CUX2: variants seen among roughly 807,000 people sequenced by gnomAD.
CUX2 encodes the protein cut like homeobox 2.
In CUX2, 40 loss-of-function variants were observed where a neutral mutation model predicts 144.8. The ratio of observed to expected loss-of-function variants is 0.28; its 90% CI spans 0.21 to 0.36. CUX2 has a LOEUF of 0.36. CUX2 is among the 10% of genes least tolerant of loss of function. CUX2 has a pLI of 1.00. For synonymous variants in CUX2, 827 were observed against 875.6 expected (o/e 0.94, Z 0.98); for missense variants, 1,615 against 1,994.0 (o/e 0.81, Z 3.62).
intron 18 of CUX2, among the ~76,000 whole-genome samples, chr12:111,332,519 G>T (rs184177312): frequency 6.6e-5 from 10 of 152,228 alleles, no homozygotes; most frequent in African/African-American, 2.2e-4. Flanking sequence ...CCACTGCAGG[G>T]ATCCCCCATA....
chr12:111,083,700 G>A (rs146889638), intron 1 of CUX2, among the ~76,000 whole-genome samples: 1 of 152,208 alleles, frequency 6.6e-6, no homozygotes, highest in East Asian at 1.9e-4. Context: ...TGGAGGGGAC[G>A]CCCACCGAGC....
chr12:111,062,277 A>T (rs547841353), intron 1 of CUX2, among the ~76,000 whole-genome samples: 14 of 152,328 alleles, frequency 9.2e-5, no homozygotes, highest in African/African-American at 3.4e-4. Flanking sequence ...ACGCTCTCTC[A>T]TCTACACCAA....
chr12:111,320,138 C>T lies in CUX2; in HGVS notation c.2129C>T (p.Ala710Val). 1 of 1,552,884 alleles carries T rather than the reference C, an allele frequency of 6.4e-7. No individual in the cohort carries two copies. Among genetic ancestry groups the T allele is most frequent in the Non-Finnish European group, 8.7e-7 (1 of 1,152,830 alleles). Reference protein sequence around the residue: ...ARREMQAQQQALLEMEVAPRG... With the variant: ...ARREMQAQQQVLLEMEVAPRG... ...CGTGAGATGCAGGCGCAACAGCAGG[C>T]GCTGCTGGAGATGGAGGTGGCGCCC... The change falls in exon 17 of 22, where the codon GCG becomes GTG. Residue 710 changes from alanine to valine, a missense_variant. Transcript: ENST00000261726. The surrounding 1 kb of genome is among the most constrained non-coding windows in gnomAD (Gnocchi z 8.1).
intron 1 of CUX2, among the ~76,000 whole-genome samples, chr12:111,041,607 T>G (rs1869744615): frequency 6.6e-6 from 1 of 152,218 alleles, no homozygotes. Flanking sequence ...GAGATTTACC[T>G]AAGAAATCTA....
chr12:111,348,337 G>T lies in CUX2; in HGVS notation c.*12G>T. ...AGTGGGAGTTCTGAAGGCAGGGTGA[G>T]GGGGCAAGGGACATACCCTGGTAAC... is the stretch of plus-strand genomic sequence containing the variant. On this transcript the variant is annotated 3_prime_UTR_variant, in exon 22 of 22. Transcript: ENST00000261726. 4 of 1,601,930 alleles carry T rather than the reference G, an allele frequency of 2.5e-6. No homozygotes were observed. The highest frequency in any genetic ancestry group is 3.4e-6 in the Non-Finnish European group (4 of 1,173,276).
chr12:111,203,770 A>C (rs1466965323), intron 1 of CUX2, among the ~76,000 whole-genome samples: 2 of 152,048 alleles, frequency 1.3e-5, no homozygotes, highest in Non-Finnish European at 2.9e-5. Flanking sequence ...GGGCTGTAGG[A>C]GGGTGAAAGT....
chr12:111,244,576 G>T (rs1369898996), intron 3 of CUX2, among the ~76,000 whole-genome samples: 1 of 152,216 alleles, frequency 6.6e-6, no homozygotes, highest in Non-Finnish European at 1.5e-5. Context: ...CCTTGTATTT[G>T]CTATGTATGA....
intron 1 of CUX2, among the ~76,000 whole-genome samples, chr12:111,203,559 A>AG (rs1015066099): frequency 6.6e-6 from 1 of 150,932 alleles, no homozygotes; most frequent in Non-Finnish European, 1.5e-5. Flanking sequence ...AAAAAAAAAA[A>AG]GAAAAAAAAG....
At position 111,287,770 on chromosome 12, in the gene CUX2, C is replaced by T. The variant is rs756002057; in HGVS notation, c.302-3648C>T. ...ACGCCCATTGTCCAAGCCCCTGCCA[C>T]CTAAACAAACAGGCCACAGCAGAGT... is the stretch of plus-strand genomic sequence containing the variant. On this transcript the variant is annotated intron_variant, in intron 4 of 21. Coordinates refer to ENST00000261726, the MANE Select transcript of CUX2 (RefSeq NM_015267.4). This position sits in a 1 kb window ranked among gnomAD's most constrained non-coding sequence, Gnocchi z 4.2. 3.3e-5 allele frequency among the ~76,000 whole-genome samples: 5 copies of T among 152,256 alleles called. No homozygotes were observed. Among genetic ancestry groups the T allele is most frequent in the Admixed American group, 2.6e-4 (4 of 15,286 alleles).
At chr12:111,251,880 CTCTA>C (rs895596109) in intron 3 of CUX2, among the ~76,000 whole-genome samples, 15 of 152,190 alleles carry the variant, frequency 9.9e-5, no homozygotes, top group African/African-American at 3.4e-4. Flanking sequence ...CTCTCTGTCT[CTCTA>C]TCTGTCTGTA....
intron 2 of CUX2, among the ~76,000 whole-genome samples, chr12:111,217,089 G>A (rs544541435): frequency 1.2e-4 from 19 of 152,224 alleles, no homozygotes; most frequent in South Asian, 6.2e-4. Context: ...TCCCTCTTAC[G>A]TGCCGGGGAG....
At chr12:111,134,867 G>A (rs1228558427) in intron 1 of CUX2, among the ~76,000 whole-genome samples, 1 of 152,174 alleles carries the variant, frequency 6.6e-6, no homozygotes, top group African/African-American at 2.4e-5. Flanking sequence ...AGGACCATGT[G>A]TGCTTGGGTT....
At chr12:111,316,357 G>T (rs1361563791) in intron 16 of CUX2, among the ~76,000 whole-genome samples, 3 of 147,864 alleles carry the variant, frequency 2.0e-5, no homozygotes, top group African/African-American at 7.5e-5. Context: ...TGTTGGTCAG[G>T]CTGGTCTCAA....
intron 1 of CUX2, among the ~76,000 whole-genome samples, chr12:111,106,490 G>T (rs1215300084): frequency 6.6e-6 from 1 of 152,140 alleles, no homozygotes; most frequent in Non-Finnish European, 1.5e-5. Flanking sequence ...AGGAGATGGG[G>T]TCTTGCTATG....
rs567292594 is a variant in CUX2 at position 111,052,994 on chromosome 12, G to A, written c.63+18754G>A. On this transcript the variant is annotated intron_variant, in intron 1 of 21. Coordinates refer to ENST00000261726, the MANE Select transcript of CUX2 (RefSeq NM_015267.4). ...ACCCCCACCTTCATCCCTTTGAGGG[G>A]AAAACCCCAGACGGGTAGCTAGGTG... Among the ~76,000 whole-genome samples the A allele has an allele frequency of 3.9e-3, 599 of 152,170 alleles. 2 individuals are homozygous for A. The highest frequency in any genetic ancestry group is 5.5e-3 in the Non-Finnish European group (374 of 68,020).
At chr12:111,071,901 C>A (rs535857126) in intron 1 of CUX2, among the ~76,000 whole-genome samples, 1 of 152,246 alleles carries the variant, frequency 6.6e-6, no homozygotes, top group East Asian at 1.9e-4. Context: ...GCCTTTGCTC[C>A]CTTGTCAAAG....
intron 1 of CUX2, among the ~76,000 whole-genome samples, chr12:111,123,991 C>T (rs1411396826): frequency 2.0e-5 from 3 of 152,160 alleles, no homozygotes; most frequent in African/African-American, 7.2e-5. Flanking sequence ...TTTCTAGATG[C>T]AGTGAAAGTC....
At chr12:111,297,089 C>T (rs1473575676) in intron 8 of CUX2, among the ~76,000 whole-genome samples, 2 of 149,984 alleles carry the variant, frequency 1.3e-5, no homozygotes, top group Non-Finnish European at 3.0e-5. Context: ...CCCTCCAGTA[C>T]TTGCCTCCTC....
Position 111,035,616 on chromosome 12 carries a change from T to TTTG in CUX2, c.63+1378_63+1379insGTT, listed in dbSNP as rs1869402487. Among the ~76,000 whole-genome samples, 1 of 149,374 alleles carries TTTG rather than the reference T, an allele frequency of 6.7e-6. No homozygotes were observed. Among genetic ancestry groups the TTTG allele is most frequent in the Non-Finnish European group, 1.5e-5 (1 of 67,188 alleles). ...TCTGGAGATAAAAAGGGACCCACTT[T>TTTG]TTTTTTTTTTTTTAATCCGCCGGCA... On this transcript the variant is annotated intron_variant, in intron 1 of 21. Coordinates refer to ENST00000261726, the MANE Select transcript of CUX2 (RefSeq NM_015267.4). This position sits in a 1 kb window ranked among gnomAD's most constrained non-coding sequence, Gnocchi z 6.0.
Sources: gnomAD v4.1 joint callset for allele counts (sites outside exome capture counted in the v4.1 genomes callset) on GRCh38, gnomAD v4.1.1 for gene constraint, Gnocchi (gnomAD v3.1) non-coding constraint, MANE v1.5 for transcripts, NCBI Gene and HGNC (gene_info 2026-07-23, HGNC 2026-07-21) for gene names.